TTC28: variants seen among roughly 807,000 people sequenced by gnomAD.
The protein encoded by TTC28 is tetratricopeptide repeat domain 28, also known as tetratricopeptide repeat protein 28.
In TTC28, 61 loss-of-function variants were observed where a neutral mutation model predicts 198.0. That is an observed-to-expected ratio of 0.31 (90% CI 0.25 to 0.38). The LOEUF (loss-of-function observed/expected upper bound fraction) is 0.38, where lower values mean the gene tolerates loss of function less well. Among genes scored for constraint, TTC28 ranks in the 10% least tolerant of loss-of-function variants. The pLI is 1.00. For synonymous variants in TTC28, 1,171 were observed against 1,297.8 expected, an observed-to-expected ratio of 0.90 and a Z score of 2.10; for missense variants, 2,678 against 3,164.0, an observed-to-expected ratio of 0.85 and a Z score of 3.69.
intron 2 of TTC28, among the ~76,000 whole-genome samples, chr22:28,572,663 A>G (rs1274631984): frequency 6.6e-6 from 1 of 152,224 alleles, no homozygotes; most frequent in African/African-American, 2.4e-5. Flanking sequence ...GAAAAATAAG[A>G]GAATGTTTTA....
chr22:28,385,035 G>A (rs2046555371), intron 2 of TTC28, among the ~76,000 whole-genome samples: 1 of 151,118 alleles, frequency 6.6e-6, no homozygotes, highest in South Asian at 2.1e-4. Context: ...CAGCTACTCG[G>A]GAGGCTGAGG....
At chr22:27,992,399 A>G (rs1464190659) in intron 19 of TTC28, 188 bp downstream of exon 19, 8 of 629,270 alleles carry the variant, frequency 1.3e-5, no homozygotes, top group African/African-American at 1.8e-5. Context: ...TCGCAGATGG[A>G]AACAGCAGGT....
At chr22:28,265,951 G>A (rs1289553606) in intron 5 of TTC28, among the ~76,000 whole-genome samples, 2 of 152,070 alleles carry the variant, frequency 1.3e-5, no homozygotes, top group Admixed American at 1.3e-4. Context: ...AGGCCAAGGA[G>A]GGCAGATCAC....
chr22:28,196,824 G>C (rs1353239230), intron 5 of TTC28, among the ~76,000 whole-genome samples: 2 of 152,140 alleles, frequency 1.3e-5, no homozygotes, highest in Non-Finnish European at 2.9e-5. Context: ...CTATTGGTGG[G>C]ACTGTAAACT....
intron 2 of TTC28, among the ~76,000 whole-genome samples, chr22:28,401,044 T>C (rs2046898195): frequency 6.6e-6 from 1 of 151,972 alleles, no homozygotes; most frequent in South Asian, 2.1e-4. Flanking sequence ...AGAAAGAAGA[T>C]AGGAGTAGTA....
At chr22:28,247,910 T>A (rs1018080446) in intron 5 of TTC28, among the ~76,000 whole-genome samples, 1 of 152,182 alleles carries the variant, frequency 6.6e-6, no homozygotes, top group Admixed American at 6.5e-5. Context: ...TTAAGTAAGG[T>A]AGGCACATGG....
At chr22:28,214,254 T>C (rs1380769311) in intron 5 of TTC28, among the ~76,000 whole-genome samples, 1 of 152,072 alleles carries the variant, frequency 6.6e-6, no homozygotes, top group Non-Finnish European at 1.5e-5. Context: ...CCAAAAGCAA[T>C]GGCAACAAAA....
chr22:28,304,354 G>C (rs1199602620), intron 3 of TTC28, among the ~76,000 whole-genome samples: 1 of 151,882 alleles, frequency 6.6e-6, no homozygotes, highest in Non-Finnish European at 1.5e-5. Flanking sequence ...CAAAAAGAGA[G>C]GTCATTAAGA....
At chr22:28,124,545 A>T (rs957313250) in intron 6 of TTC28, among the ~76,000 whole-genome samples, 1 of 152,234 alleles carries the variant, frequency 6.6e-6, no homozygotes, top group Non-Finnish European at 1.5e-5. Context: ...CAGATGAGTC[A>T]GAGATGCTAC....
intron 2 of TTC28, among the ~76,000 whole-genome samples, chr22:28,528,639 G>A (rs372792032): frequency 6.0e-5 from 9 of 150,744 alleles, no homozygotes; most frequent in African/African-American, 2.2e-4. Flanking sequence ...GGGAGGCCAA[G>A]GCACGAGAAC....
intron 6 of TTC28, among the ~76,000 whole-genome samples, chr22:28,154,025 AG>A (rs1222793659): frequency 6.6e-6 from 1 of 152,118 alleles, no homozygotes; most frequent in African/African-American, 2.4e-5. Context: ...AGAGAGAGAG[AG>A]GAGAAACTGA....
At chr22:28,479,333 C>T (rs1173688460) in intron 2 of TTC28, among the ~76,000 whole-genome samples, 1 of 152,182 alleles carries the variant, frequency 6.6e-6, no homozygotes, top group East Asian at 1.9e-4. Context: ...ATAACAACTA[C>T]CATCTTTCCA....
chr22:28,461,340 C>G (rs890244565), intron 2 of TTC28, among the ~76,000 whole-genome samples: 1 of 152,214 alleles, frequency 6.6e-6, no homozygotes, highest in African/African-American at 2.4e-5. Flanking sequence ...CTAGCTCTCT[C>G]TTTCCATTAG....
chr22:28,502,101 A>C (rs1188333355), intron 2 of TTC28, among the ~76,000 whole-genome samples: 1 of 152,212 alleles, frequency 6.6e-6, no homozygotes, highest in Non-Finnish European at 1.5e-5. Context: ...ACAGAATAGA[A>C]TTACTATTTT....
intron 12 of TTC28, among the ~76,000 whole-genome samples, chr22:28,069,118 G>A (rs970731668): frequency 1.5e-4 from 23 of 152,216 alleles, no homozygotes; most frequent in Admixed American, 6.5e-5. Flanking sequence ...TGGAAAGGCA[G>A]TGAGTGAGTC....
intron 12 of TTC28, among the ~76,000 whole-genome samples, chr22:28,058,303 G>T (rs1441037223): frequency 6.6e-6 from 1 of 151,954 alleles, no homozygotes; most frequent in African/African-American, 2.4e-5. Flanking sequence ...CTAAGCCTTG[G>T]GCATTTCCAT....
intron 6 of TTC28, among the ~76,000 whole-genome samples, chr22:28,147,985 CAG>C (rs1243471788): frequency 3.9e-5 from 6 of 152,140 alleles, no homozygotes; most frequent in Non-Finnish European, 8.8e-5. Flanking sequence ...AAAGAAGAAA[CAG>C]TGTGATATCC....
At chr22:28,621,733 A>C (rs1601631979) in intron 2 of TTC28, among the ~76,000 whole-genome samples, 1 of 143,880 alleles carries the variant, frequency 7.0e-6, no homozygotes, top group South Asian at 2.3e-4. Flanking sequence ...ACAGAGCAAG[A>C]CTGTCTCTTA....
intron 2 of TTC28, among the ~76,000 whole-genome samples, chr22:28,402,839 C>T (rs1411516069): frequency 2.0e-5 from 3 of 152,248 alleles, no homozygotes; most frequent in African/African-American, 7.2e-5. Flanking sequence ...GACAACTTTT[C>T]TCCAGTAAGT....
Sources: gnomAD v4.1 joint callset for allele counts (sites outside exome capture counted in the v4.1 genomes callset) on GRCh38, gnomAD v4.1.1 for gene constraint, MANE v1.5 for transcripts, NCBI Gene and HGNC (gene_info 2026-07-23, HGNC 2026-07-21) for gene names.